The following DEF8 variants were observed in gnomAD, a reference collection of about 807,000 sequenced individuals.
The protein encoded by DEF8 is differentially expressed in FDCP 8 homolog, also known as DEF-8.
Under a neutral mutation model 59.1 loss-of-function variants are expected in DEF8, and 38 were observed. The ratio of observed to expected loss-of-function variants is 0.64; its 90% confidence interval spans 0.50 to 0.84. The LOEUF (loss-of-function observed/expected upper bound fraction) is 0.84. DEF8 is among the 40% of genes least tolerant of loss of function. The pLI is 0.00. For missense variants in DEF8, 557 were observed against 615.2 expected (o/e 0.91, Z 1.00); for synonymous variants, 265 against 250.1 (o/e 1.06, Z -0.56).
At chr16:89,960,438 G>T (rs1470181134) in intron 6 of DEF8, among the ~76,000 whole-genome samples, 1 of 152,200 alleles carries the variant, frequency 6.6e-6, no homozygotes, top group Non-Finnish European at 1.5e-5. Flanking sequence ...GGGCCCTGGA[G>T]TCTGAGGCTG....
At position 89,966,268 on chromosome 16, in the gene DEF8, G is replaced by A. The variant is rs2062353832; in HGVS notation, c.*305G>A. Reference sequence around the variant, plus strand: ...GGGGGGACATCTCACCTCCCCCATGGCACAGAGCCCTCCACACCCCTGGAC... The same window carrying A: ...GGGGGGACATCTCACCTCCCCCATGACACAGAGCCCTCCACACCCCTGGAC... On this transcript the variant is annotated 3_prime_UTR_variant, in exon 13 of 13. Coordinates refer to ENST00000563594, the MANE Select transcript of DEF8 (RefSeq NM_001242818.2). 6.8e-6 allele frequency: 2 copies of A among 295,162 alleles called. No individual in the cohort carries two copies. The highest frequency in any genetic ancestry group is 1.3e-5 in the Non-Finnish European group (2 of 150,078). The allele number at this position is 295,162 out of a possible 1,614,324, so 18.3% of individuals were successfully genotyped here. A position where few individuals can be genotyped will look rare whatever the true frequency, so the allele number is the denominator to read the frequency against.
chr16:89,957,800 G>A (rs886270097), intron 5 of DEF8, 140 bp downstream of exon 5: 19 of 1,008,308 alleles, frequency 1.9e-5, no homozygotes, highest in African/African-American at 8.2e-5. Flanking sequence ...AGAAGGGCAC[G>A]AGACAGGCAG....
At chr16:89,959,327 C>T (rs2033710892) in intron 6 of DEF8, 172 bp downstream of exon 6, 2 of 1,452,342 alleles carry the variant, frequency 1.4e-6, no homozygotes, top group Admixed American at 2.6e-5. Flanking sequence ...CTACATTGGA[C>T]AGGGCTGTTC....
chr16:89,963,388 T>C lies in DEF8; in HGVS notation c.947T>C (p.Met316Thr). The C allele has an allele frequency of 6.2e-7, 1 of 1,613,800 alleles. No individual in the cohort carries two copies. Among genetic ancestry groups the C allele is most frequent in the Non-Finnish European group, 8.5e-7 (1 of 1,179,852 alleles). ...IRKLRQDILL[M>T]KPYFITCREA... ...AAGCTGCGCCAGGACATCCTGCTCA[T>C]GAAGCCGTACTTCATCACCTGCAGG... Residue 316 changes from methionine to threonine, a missense_variant, in exon 10 of 13, where the codon ATG (methionine) becomes ACG (threonine). Physicochemically the swap from Met to Thr is moderately conservative, Grantham distance 81. Coordinates refer to ENST00000563594, the MANE Select transcript of DEF8 (RefSeq NM_001242818.2).
chr16:89,961,244 G>A, intron 7 of DEF8, 149 bp downstream of exon 7: 1 of 1,112,044 alleles, frequency 9.0e-7, no homozygotes, highest in Non-Finnish European at 1.3e-6. Flanking sequence ...ACAAGGGTCT[G>A]TTGCTGCCAT....
chr16:89,957,666 T>G lies in DEF8; in HGVS notation c.372+6T>G. On this transcript the variant is annotated splice_donor_region_variant and intron_variant, in intron 5 of 12. Coordinates refer to ENST00000563594, the MANE Select transcript of DEF8 (RefSeq NM_001242818.2). ...TGAAGCTCCAGGAGCTGAAGGTGGG[T>G]GTGGGGCCGCCCCGCCGTGGGGCAG... The G allele has an allele frequency of 6.5e-7, 1 of 1,546,832 alleles. No homozygotes were observed. The highest frequency in any genetic ancestry group is 8.7e-7 in the Non-Finnish European group (1 of 1,144,142).
chr16:89,951,441 C>T (rs1227431764), intron 2 of DEF8, among the ~76,000 whole-genome samples: 1 of 152,116 alleles, frequency 6.6e-6, no homozygotes, highest in Non-Finnish European at 1.5e-5. Flanking sequence ...GACGGGGTTT[C>T]ACCAGGTTGG....
chr16:89,948,870 C>A, intron 1 of DEF8, 56 bp downstream of exon 1: 1 of 415,452 alleles, frequency 2.4e-6, no homozygotes, highest in Non-Finnish European at 2.8e-6. Context: ...CCGGCGGGGA[C>A]GGGGCCGGCG....
Position 89,954,136 on chromosome 16 carries a change from G to A in DEF8, c.-10-107G>A, listed in dbSNP as rs1452938593. On this transcript the variant is annotated intron_variant, in intron 2 of 12. Transcript: ENST00000563594. The surrounding 1 kb of genome is among the most constrained non-coding windows in gnomAD (Gnocchi z 4.3). ...TGAGGACTACCCACTTTAGGGAAGT[G>A]AAAGAGGCCAGCCTCACCCCAGACA... is the stretch of plus-strand genomic sequence containing the variant. 6.0e-6 allele frequency: 8 copies of A among 1,328,798 alleles called. No homozygotes were observed. The highest frequency in any genetic ancestry group is 5.4e-4 in the Middle Eastern group (2 of 3,714). 82.3% of individuals were successfully genotyped at this position (1,328,798 alleles called of 1,614,324 possible). A position where few individuals can be genotyped will look rare whatever the true frequency, so the allele number is the denominator to read the frequency against.
chr16:89,955,155 C>T lies in DEF8; in HGVS notation c.125-14C>T. 3 of 1,607,694 alleles carry T rather than the reference C, an allele frequency of 1.9e-6. No homozygotes were observed. Among genetic ancestry groups the T allele is most frequent in the South Asian group, 2.2e-5 (2 of 91,012 alleles). On this transcript the variant is annotated splice_polypyrimidine_tract_variant and intron_variant, in intron 3 of 12. Coordinates refer to ENST00000563594, the MANE Select transcript of DEF8 (RefSeq NM_001242818.2). ...AGCAGCTGACGCTCCACACCTGTCC[C>T]CGTCTTCCTCCAGAGGCCCTGCCTG...
chr16:89,957,546 GC>G lies in DEF8; in HGVS notation c.259del (p.Gln87ArgfsTer9). ...FLASDVQQLR[Q>X]AIEECKQVIL... ...TGGCCTCTGACGTCCAGCAGCTGCG[GC>G]AGGCGATCGAGGAGTGCAAGCAGGT... is the stretch of plus-strand genomic sequence containing the variant. On this transcript the variant is annotated frameshift_variant, in exon 5 of 13. Coordinates refer to ENST00000563594, the MANE Select transcript of DEF8 (RefSeq NM_001242818.2). LOFTEE classifies it high-confidence loss of function. 6.3e-7 allele frequency: 1 copy of G among 1,592,752 alleles called. No individual in the cohort carries two copies. Among genetic ancestry groups the G allele is most frequent in the Non-Finnish European group, 8.5e-7 (1 of 1,170,276 alleles).
chr16:89,953,454 C>T (rs868428434), intron 2 of DEF8, among the ~76,000 whole-genome samples: 3 of 152,028 alleles, frequency 2.0e-5, no homozygotes, highest in Non-Finnish European at 2.9e-5. Flanking sequence ...AATTCTTGAT[C>T]CTGAGCTTCT....
chr16:89,959,428 G>A lies in DEF8; in HGVS notation c.514+273G>A, dbSNP rs976756558. 1.8e-5 allele frequency: 20 copies of A among 1,137,734 alleles called. No homozygotes were observed. In the East Asian group the frequency reaches 1.9e-4, roughly 11 times the overall value. 70.5% of individuals were successfully genotyped at this position (1,137,734 alleles called of 1,614,324 possible). A position where few individuals can be genotyped will look rare whatever the true frequency, so the allele number is the denominator to read the frequency against. The stretch of plus-strand genomic sequence containing the variant: ...AGGACCTAGCACGTGTTAGGGTGGA[G>A]TGAATGTGACTTTAGGGCAGAATGT... On this transcript the variant is annotated intron_variant, in intron 6 of 12. Transcript: ENST00000563594.
chr16:89,955,824 G>C (rs1249091865), intron 4 of DEF8, among the ~76,000 whole-genome samples: 1 of 152,176 alleles, frequency 6.6e-6, no homozygotes, highest in Admixed American at 6.5e-5. Context: ...TGTAATCCCA[G>C]CACTTTGGGA....
intron 4 of DEF8, chr16:89,957,005 G>GT (rs2033312022): frequency 6.5e-6 from 1 of 153,404 alleles, no homozygotes; most frequent in East Asian, 1.9e-4. Flanking sequence ...TCCCCAGAGT[G>GT]TTCTGAGTCT....
chr16:89,958,791 G>T (rs2033626291), intron 5 of DEF8, among the ~76,000 whole-genome samples: 1 of 152,216 alleles, frequency 6.6e-6, no homozygotes, highest in Admixed American at 6.5e-5. Context: ...TGCTGGGAAA[G>T]GTCGCAAGGG....
chr16:89,948,821 G>A lies in DEF8; in HGVS notation c.-108+7G>A, dbSNP rs1444829861. ...GATGCGAGGCGGCGGTCAGGTGAGC[G>A]GCGCGGGGCCGGCGGGGTCGGGGCC... On this transcript the variant is annotated splice_region_variant and intron_variant, in intron 1 of 12. Transcript: ENST00000563594. 12 of 979,600 alleles carry A rather than the reference G, an allele frequency of 1.2e-5. No homozygotes were observed. The highest frequency in any genetic ancestry group is 5.5e-5 in the African/African-American group (3 of 55,002). 60.7% of individuals were successfully genotyped at this position (979,600 alleles called of 1,614,324 possible).
At chr16:89,964,101 G>A in intron 10 of DEF8, 69 bp from the exon 11 acceptor site, 1 of 1,606,910 alleles carries the variant, frequency 6.2e-7, no homozygotes, top group East Asian at 2.2e-5. Context: ...GACCACTGCA[G>A]CGACCATGGG....
At chr16:89,950,972 C>A (rs905585980) in intron 2 of DEF8, among the ~76,000 whole-genome samples, 1 of 152,096 alleles carries the variant, frequency 6.6e-6, no homozygotes, top group African/African-American at 2.4e-5. Flanking sequence ...CAGAGCAACA[C>A]CCTGTCTCAA....
Sources: allele counts gnomAD v4.1 joint callset (sites outside exome capture counted in the v4.1 genomes callset), GRCh38; gene constraint gnomAD v4.1.1; non-coding constraint Gnocchi (gnomAD v3.1); transcripts MANE v1.5; gene names NCBI Gene and HGNC (gene_info 2026-07-23, HGNC 2026-07-21).